Variants in GRIA4 observed in about 807,000 individuals in gnomAD.
The protein encoded by GRIA4 is glutamate receptor 4.
In GRIA4, 34 loss-of-function variants were observed where a neutral mutation model predicts 104.0. The observed-to-expected ratio is 0.33, with a 90% CI of 0.25 to 0.44. The LOEUF (loss-of-function observed/expected upper bound fraction) is 0.44. Among genes scored for constraint, GRIA4 ranks in the 20% least tolerant of loss-of-function variants. GRIA4 has a pLI of 1.00. For synonymous variants in GRIA4, 386 were observed against 381.9 expected, an observed-to-expected ratio of 1.01 and a Z score of -0.13; for missense variants, 750 against 1,096.5, an observed-to-expected ratio of 0.68 and a Z score of 4.46.
chr11:105,919,869 T>A (rs529974980), intron 11 of GRIA4, among the ~76,000 whole-genome samples: 2 of 152,186 alleles, frequency 1.3e-5, no homozygotes, highest in Non-Finnish European at 2.9e-5. Flanking sequence ...TGTAGTCTGA[T>A]TAATCCTCAC....
At chr11:105,626,264 T>G (rs1037937620) in intron 3 of GRIA4, among the ~76,000 whole-genome samples, 4 of 151,676 alleles carry the variant, frequency 2.6e-5, no homozygotes, top group Non-Finnish European at 5.9e-5. Context: ...AGAGCACACA[T>G]ACACACATAC....
At chr11:105,636,014 T>A (rs1951192073) in intron 3 of GRIA4, among the ~76,000 whole-genome samples, 1 of 152,200 alleles carries the variant, frequency 6.6e-6, no homozygotes. Flanking sequence ...CTCCCAATTC[T>A]GTTTCCATGC....
At chr11:105,853,081 G>T (rs1944877550) in intron 4 of GRIA4, among the ~76,000 whole-genome samples, 2 of 125,036 alleles carry the variant, frequency 1.6e-5, no homozygotes, top group African/African-American at 5.6e-5. Flanking sequence ...AGATCTGTTG[G>T]ACTCAAACTT....
chr11:105,950,186 G>C (rs1948424514), intron 14 of GRIA4, among the ~76,000 whole-genome samples: 1 of 152,168 alleles, frequency 6.6e-6, no homozygotes, highest in Non-Finnish European at 1.5e-5. Context: ...AAGTTATTCT[G>C]ACTCTGGGTA....
rs549214298 is a variant in GRIA4 at position 105,704,245 on chromosome 11, T to C, written c.248-48736T>C. Among the ~76,000 whole-genome samples the C allele has an allele frequency of 2.8e-4, 42 of 152,190 alleles. No homozygotes were observed. The South Asian group carries it at 8.5e-3, about 31-fold the overall frequency. ...GTGCTAAGAAGAAGTATAGGTTTTA[T>C]GAGTACTTTTTAAAAGGGTGTCCAA... On this transcript the variant is annotated intron_variant, in intron 3 of 16. Coordinates refer to ENST00000282499, the MANE Select transcript of GRIA4 (RefSeq NM_000829.4).
intron 4 of GRIA4, among the ~76,000 whole-genome samples, chr11:105,779,581 A>G (rs1941622591): frequency 6.6e-6 from 1 of 152,152 alleles, no homozygotes; most frequent in Admixed American, 6.5e-5. Context: ...ACATGTATAC[A>G]TATGTAACTA....
chr11:105,621,423 T>C (rs1292097976), intron 3 of GRIA4, among the ~76,000 whole-genome samples: 1 of 151,492 alleles, frequency 6.6e-6, no homozygotes, highest in Non-Finnish European at 1.5e-5. Flanking sequence ...CAGATATTAC[T>C]CTAAACATAA....
At position 105,905,308 on chromosome 11, in the gene GRIA4, C is replaced by T; in HGVS notation, c.1158+7C>T. On this transcript the variant is annotated splice_region_variant and intron_variant, in intron 9 of 16. Coordinates refer to ENST00000282499, the MANE Select transcript of GRIA4 (RefSeq NM_000829.4). ...AAGCACAGGACCTAGAAAGGTGAGCCACGATCAAACTGAAAAACAGAATTC... is the reference window on the plus strand; with the variant it reads ...AAGCACAGGACCTAGAAAGGTGAGCTACGATCAAACTGAAAAACAGAATTC... 7.0e-7 allele frequency: 1 copy of T among 1,419,160 alleles called. No individual in the cohort carries two copies. The highest frequency in any genetic ancestry group is 1.0e-6 in the Non-Finnish European group (1 of 1,003,630). The allele number at this position is 1,419,160 out of a possible 1,614,324, so 87.9% of individuals were successfully genotyped here.
At position 105,742,664 on chromosome 11, in the gene GRIA4, C is replaced by T. The variant is rs1939388723; in HGVS notation, c.248-10317C>T. 1.3e-5 allele frequency among the ~76,000 whole-genome samples: 2 copies of T among 151,554 alleles called. 1 individual carries two copies. Among genetic ancestry groups the T allele is most frequent in the African/African-American group, 4.9e-5 (2 of 41,176 alleles). ...CTTGATACCCTTTAAAGTCATATTC[C>T]TTTGCAGATACATTTAGCATTACAT... is the stretch of plus-strand genomic sequence containing the variant. On this transcript the variant is annotated intron_variant, in intron 3 of 16. Coordinates refer to ENST00000282499, the MANE Select transcript of GRIA4 (RefSeq NM_000829.4).
At chr11:105,830,287 T>C (rs1943926193) in intron 4 of GRIA4, among the ~76,000 whole-genome samples, 1 of 152,038 alleles carries the variant, frequency 6.6e-6, no homozygotes, top group Non-Finnish European at 1.5e-5. Flanking sequence ...GGGAAACTAG[T>C]GCAGTGGCTT....
At chr11:105,700,123 C>T (rs531102567) in intron 3 of GRIA4, among the ~76,000 whole-genome samples, 2 of 152,172 alleles carry the variant, frequency 1.3e-5, no homozygotes, top group Non-Finnish European at 2.9e-5. Context: ...ACTGGTAATA[C>T]ACGAAGAGTG....
At chr11:105,674,791 A>G (rs531562723) in intron 3 of GRIA4, among the ~76,000 whole-genome samples, 47 of 152,014 alleles carry the variant, frequency 3.1e-4, no homozygotes, top group Non-Finnish European at 2.8e-4. Context: ...CTTTACTATT[A>G]CTCTCTGATA....
chr11:105,889,137 C>G (rs1219708883), intron 6 of GRIA4, among the ~76,000 whole-genome samples: 2 of 151,990 alleles, frequency 1.3e-5, no homozygotes, highest in African/African-American at 4.8e-5. Context: ...GATTATCATT[C>G]CAGAAATGAG....
intron 4 of GRIA4, among the ~76,000 whole-genome samples, chr11:105,786,686 TGTTTTTTGG>T (rs1941983460): frequency 6.6e-6 from 1 of 152,224 alleles, no homozygotes. Flanking sequence ...GTGGTATTTT[TGTTTTTTGG>T]GTTTTTTGCT....
At chr11:105,639,913 C>T (rs886122929) in intron 3 of GRIA4, among the ~76,000 whole-genome samples, 11 of 151,758 alleles carry the variant, frequency 7.2e-5, no homozygotes, top group East Asian at 3.8e-4. Context: ...TCTTAATTTC[C>T]GCTGAAATAT....
intron 5 of GRIA4, among the ~76,000 whole-genome samples, chr11:105,886,078 C>T (rs1946243830): frequency 6.6e-6 from 1 of 152,134 alleles, no homozygotes; most frequent in African/African-American, 2.4e-5. Flanking sequence ...GAAAGAAGGT[C>T]TTGAATGCAA....
chr11:105,641,179 T>C (rs1951348802), intron 3 of GRIA4, among the ~76,000 whole-genome samples: 1 of 152,142 alleles, frequency 6.6e-6, no homozygotes, highest in Admixed American at 6.6e-5. Context: ...TATTAGCATT[T>C]AGTGAGTAAC....
At position 105,905,056 on chromosome 11, in the gene GRIA4, T is replaced by G. The variant is rs1025791747; in HGVS notation, c.1054-141T>G. 5.1e-6 allele frequency: 3 copies of G among 593,370 alleles called. No individual in the cohort carries two copies. The African/African-American group carries it at 5.6e-5, about 11-fold the overall frequency. The allele number at this position is 593,370 out of a possible 1,614,324, so 36.8% of individuals were successfully genotyped here. On this transcript the variant is annotated intron_variant, in intron 8 of 16. Coordinates refer to ENST00000282499, the MANE Select transcript of GRIA4 (RefSeq NM_000829.4). ...CTATTTCAGATGCTATCCCAATAGC[T>G]CAAATACCTAATGGCATTTCAGTTA...
intron 3 of GRIA4, among the ~76,000 whole-genome samples, chr11:105,648,008 T>C (rs1363884882): frequency 6.7e-6 from 1 of 149,526 alleles, no homozygotes; most frequent in Non-Finnish European, 1.5e-5. Context: ...AAATTACTAA[T>C]GATTATTGTT....
Sources: gnomAD v4.1 joint callset for allele counts (sites outside exome capture counted in the v4.1 genomes callset) on GRCh38, gnomAD v4.1.1 for gene constraint, MANE v1.5 for transcripts, NCBI Gene and HGNC (gene_info 2026-07-23, HGNC 2026-07-21) for gene names.